Variants in PTCHD1 observed in about 807,000 individuals in gnomAD.
The protein encoded by PTCHD1 is patched domain containing 1.
In PTCHD1, 3 loss-of-function variants were observed where a neutral mutation model predicts 34.6. The observed-to-expected ratio is 0.09, with a 90% CI of 0.04 to 0.22. The LOEUF (loss-of-function observed/expected upper bound fraction) is 0.22. Among genes scored for constraint, PTCHD1 ranks in the 10% least tolerant of loss-of-function variants. The probability of loss-of-function intolerance (pLI) is 1.00; values close to 1 mark genes in which losing one functional copy is unlikely to be tolerated. For synonymous variants in PTCHD1, 305 were observed against 283.1 expected, an observed-to-expected ratio of 1.08 and a Z score of -0.77; for missense variants, 504 against 685.5, an observed-to-expected ratio of 0.74 and a Z score of 2.96.
intron 1 of PTCHD1, among the ~76,000 whole-genome samples, chrX:23,359,743 AC>A (rs1380484339): frequency 9.0e-6 from 1 of 111,712 alleles, no homozygotes; most frequent in Non-Finnish European, 1.9e-5. Flanking sequence ...CAAAGGGAAT[AC>A]TTCTAGTTTT....
rs778278344 is a variant in PTCHD1, at chrX:23,342,068, T to C, written c.351+6842T>C. On this transcript the variant is annotated intron_variant, in intron 1 of 2. Coordinates refer to ENST00000379361, the MANE Select transcript of PTCHD1 (RefSeq NM_173495.3). Reference sequence around the variant, plus strand: ...CAGGAAGCCAATCAAGAGAGTATTATTAAGCAAGTGTCTACTGTGGGCAAC... The same window carrying C: ...CAGGAAGCCAATCAAGAGAGTATTACTAAGCAAGTGTCTACTGTGGGCAAC... Among the ~76,000 whole-genome samples the C allele has an allele frequency of 4.4e-3, 472 of 108,197 alleles. 2 individuals carry two copies. The highest frequency in any genetic ancestry group is 7.5e-3 in the Non-Finnish European group (389 of 51,933). 94.0% of individuals were successfully genotyped at this position (108,197 alleles called of 115,157 possible). A position where few individuals can be genotyped will look rare whatever the true frequency, so the allele number is the denominator to read the frequency against.
chrX:23,392,070 C>CTTCCTTTTTTTTTTTTTTTT (rs1922848553), intron 2 of PTCHD1, among the ~76,000 whole-genome samples: 2 of 39,476 alleles, frequency 5.1e-5, no homozygotes, highest in African/African-American at 2.3e-4. Flanking sequence ...TTCTTTCTTT[C>CTTCCTTTTTTTTTTTTTTTT]TTTCTTTTTT....
chrX:23,349,532 G>A (rs1052212328), intron 1 of PTCHD1, among the ~76,000 whole-genome samples: 1 of 111,698 alleles, frequency 9.0e-6, no homozygotes, highest in Non-Finnish European at 1.9e-5. Context: ...CATTTCAGAC[G>A]AAGCTAACAT....
intron 1 of PTCHD1, among the ~76,000 whole-genome samples, chrX:23,361,631 G>A (rs188200010): frequency 2.4e-4 from 27 of 111,462 alleles, no homozygotes; most frequent in Admixed American, 7.6e-4. Context: ...TTTTAATTGG[G>A]GCATTTAGCC....
chrX:23,384,055 A>C (rs1251897748), intron 2 of PTCHD1, among the ~76,000 whole-genome samples: 3 of 112,197 alleles, frequency 2.7e-5, no homozygotes, highest in Non-Finnish European at 3.8e-5. Context: ...AGCTTTGCTG[A>C]TCAGATACAA....
Position 23,379,943 on chromosome X carries a change from A to T in PTCHD1, c.704A>T (p.Asp235Val). 8.3e-7 allele frequency: 1 copy of T among 1,211,939 alleles called. No individual in the cohort carries two copies. Among genetic ancestry groups the T allele is most frequent in the Non-Finnish European group, 1.1e-6 (1 of 895,534 alleles). ...GAGAGGTGGGAGTCCAGCTTCTGCG[A>T]CACTGTCAGACTGTTTCAGAAATCC... is the stretch of plus-strand genomic sequence containing the variant. ...VAERWESSFC[D>V]TVRLFQKSNS... Residue 235 changes from aspartate (D) to valine (V), a missense_variant, in exon 2 of 3, where the codon GAC becomes GTC. Physicochemically the swap from Asp to Val is radical, Grantham distance 152. Transcript: ENST00000379361.
intron 2 of PTCHD1, among the ~76,000 whole-genome samples, chrX:23,390,233 G>C (rs936889902): frequency 2.8e-5 from 3 of 108,460 alleles, no homozygotes; most frequent in Admixed American, 9.8e-5. Flanking sequence ...TTTTGTTTCT[G>C]GCAAGTAAAT....
rs1399737995 is a variant in PTCHD1 at position 23,337,923 on chromosome X, C to CA, written c.351+2707dup. Among the ~76,000 whole-genome samples, 47 of 102,428 alleles carry CA rather than the reference C, an allele frequency of 4.6e-4. No homozygotes were observed. The East Asian group carries it at 7.3e-3, about 16-fold the overall frequency. The allele number at this position is 102,428 out of a possible 115,157, so 88.9% of individuals were successfully genotyped here. ...GGATATTGGTCCCACTATTTGCTGA[C>CA]AAAAAAAAAATAGACTGGGAGGGAG... On this transcript the variant is annotated intron_variant, in intron 1 of 2. Transcript: ENST00000379361.
intron 1 of PTCHD1, among the ~76,000 whole-genome samples, chrX:23,341,388 C>G (rs1050706255): frequency 2.7e-5 from 3 of 112,401 alleles, no homozygotes; most frequent in African/African-American, 9.7e-5. Flanking sequence ...TGTTTTCTAC[C>G]TGAGTGTTTC....
chrX:23,375,526 G>C (rs189596358), intron 1 of PTCHD1, among the ~76,000 whole-genome samples: 4,705 of 106,596 alleles, frequency 0.044, 164 homozygotes, highest in East Asian at 0.15. Flanking sequence ...TGATCCGCCC[G>C]CCTCGGCCTC....
At chrX:23,353,501 A>G (rs1159676805) in intron 1 of PTCHD1, among the ~76,000 whole-genome samples, 3 of 112,741 alleles carry the variant, frequency 2.7e-5, no homozygotes, top group African/African-American at 9.6e-5. Flanking sequence ...AGGCAGGAGA[A>G]TCGCTTGAAC....
At chrX:23,353,854 A>T (rs1281267959) in intron 1 of PTCHD1, among the ~76,000 whole-genome samples, 1 of 112,166 alleles carries the variant, frequency 8.9e-6, no homozygotes, top group Non-Finnish European at 1.9e-5. Flanking sequence ...ATAGATTATA[A>T]GGGCTAGAAA....
intron 1 of PTCHD1, among the ~76,000 whole-genome samples, chrX:23,362,310 T>G (rs1269856993): frequency 8.9e-6 from 1 of 112,461 alleles, no homozygotes; most frequent in Non-Finnish European, 1.9e-5. Flanking sequence ...ATTTGGTCTT[T>G]TCACAGTCCC....
intron 1 of PTCHD1, among the ~76,000 whole-genome samples, chrX:23,349,888 A>G (rs1247775973): frequency 1.8e-5 from 2 of 109,412 alleles, no homozygotes; most frequent in Non-Finnish European, 3.8e-5. Flanking sequence ...TAGGGGTTAA[A>G]TAGGAGAAGC....
upstream of PTCHD1, chrX:23,334,555 G>C (rs1921093208): frequency 9.2e-6 from 1 of 108,159 alleles, no homozygotes; most frequent in Non-Finnish European, 1.9e-5. Flanking sequence ...CCCCTGGCGG[G>C]GAGGCCGCGG....
rs144452438 is a variant in PTCHD1 at position 23,339,079 on chromosome X, C to G, written c.351+3853C>G. Among the ~76,000 whole-genome samples, 14 of 111,821 alleles carry G rather than the reference C, an allele frequency of 1.3e-4. No homozygotes were observed. The East Asian group carries it at 3.9e-3, about 31-fold the overall frequency. ...ATTGGCAGGGTCCAGGTTGACTGAA[C>G]TTTAGTGCCTTACACACTCCCTGGC... On this transcript the variant is annotated intron_variant, in intron 1 of 2. Transcript: ENST00000379361.
chrX:23,392,637 C>T lies in PTCHD1; in HGVS notation c.1119C>T (p.Leu373=). ...RTAAVYADSM[L]SFSLTTAMYL... is the part of the protein sequence containing the mutation. Reference sequence around the variant, plus strand: ...CAGCAGTCTATGCAGACTCCATGCTCTCCTTTTCTCTCACCACTGCCATGT... The same window carrying T: ...CAGCAGTCTATGCAGACTCCATGCTTTCCTTTTCTCTCACCACTGCCATGT... The change falls in exon 3 of 3, where the codon CTC becomes CTT. Residue 373 remains leucine (L), a synonymous_variant. Transcript: ENST00000379361. 8.3e-7 allele frequency: 1 copy of T among 1,209,826 alleles called. No individual in the cohort carries two copies. The highest frequency in any genetic ancestry group is 1.1e-6 in the Non-Finnish European group (1 of 893,565).
At chrX:23,372,022 T>C (rs778361359) in intron 1 of PTCHD1, among the ~76,000 whole-genome samples, 1 of 111,201 alleles carries the variant, frequency 9.0e-6, no homozygotes, top group East Asian at 2.8e-4. Context: ...AATGGAAATG[T>C]AGAGGTGGAC....
intron 1 of PTCHD1, among the ~76,000 whole-genome samples, chrX:23,355,882 C>T (rs1319212855): frequency 8.9e-6 from 1 of 112,440 alleles, no homozygotes; most frequent in African/African-American, 3.2e-5. Context: ...CCCTTGAGAG[C>T]TGGGCTGGAA....
Sources: gnomAD v4.1 joint callset for allele counts (sites outside exome capture counted in the v4.1 genomes callset) on GRCh38, gnomAD v4.1.1 for gene constraint, MANE v1.5 for transcripts, NCBI Gene and HGNC (gene_info 2026-07-23, HGNC 2026-07-21) for gene names.